Variants in SHANK2 observed in about 807,000 individuals in gnomAD.
The protein encoded by SHANK2 is SH3 and multiple ankyrin repeat domains 2.
A neutral mutation model predicts 133.7 loss-of-function variants in SHANK2; 43 were observed. The ratio of observed to expected loss-of-function variants is 0.32; its 90% CI spans 0.25 to 0.41. SHANK2 has a LOEUF of 0.41. SHANK2 is among the 10% of genes least tolerant of loss of function. The probability of loss-of-function intolerance (pLI) is 1.00; values close to 1 mark genes in which losing one functional copy is unlikely to be tolerated. For missense variants in SHANK2, 1,994 were observed against 2,235.8 expected (o/e 0.89, Z 2.18); for synonymous variants, 1,017 against 952.8 (o/e 1.07, Z -1.24).
intron 3 of SHANK2, among the ~76,000 whole-genome samples, chr11:71,143,853 G>C (rs1259074595): frequency 6.6e-6 from 1 of 151,754 alleles, no homozygotes; most frequent in African/African-American, 2.4e-5. Flanking sequence ...ACTTCCTCTG[G>C]GAGCAATGGC....
chr11:71,110,910 G>C (rs571820189), intron 5 of SHANK2, among the ~76,000 whole-genome samples: 2 of 152,372 alleles, frequency 1.3e-5, no homozygotes, highest in African/African-American at 2.4e-5. Context: ...GACGAAGTCA[G>C]GAGGATGAAG....
At chr11:70,549,099 A>C (rs2059732386) in intron 17 of SHANK2, among the ~76,000 whole-genome samples, 2 of 152,164 alleles carry the variant, frequency 1.3e-5, no homozygotes, top group Non-Finnish European at 2.9e-5. Context: ...GGACGCTGTG[A>C]CAGCAGCCCC....
At chr11:70,792,976 G>A (rs1947827191) in intron 14 of SHANK2, among the ~76,000 whole-genome samples, 1 of 152,068 alleles carries the variant, frequency 6.6e-6, no homozygotes, top group Admixed American at 6.5e-5. Context: ...AATCATTTGA[G>A]ACTGGGAAGT....
chr11:71,153,773 C>T (rs552231014), intron 2 of SHANK2, among the ~76,000 whole-genome samples: 1 of 152,260 alleles, frequency 6.6e-6, no homozygotes, highest in South Asian at 2.1e-4. Flanking sequence ...GAGTTTGAGA[C>T]CAGCCGGTCA....
intron 14 of SHANK2, among the ~76,000 whole-genome samples, chr11:70,741,036 C>T (rs1320718758): frequency 3.9e-5 from 6 of 152,290 alleles, no homozygotes; most frequent in East Asian, 1.9e-4. Flanking sequence ...ATTCAACTTC[C>T]GCTCATCCCA....
intron 2 of SHANK2, among the ~76,000 whole-genome samples, chr11:71,220,312 T>A (rs1209053343): frequency 6.6e-6 from 1 of 152,184 alleles, no homozygotes; most frequent in Non-Finnish European, 1.5e-5. Flanking sequence ...TTGGAACCTT[T>A]GAGCCTTGCT....
At chr11:71,103,124 T>A (rs541124418) in intron 6 of SHANK2, among the ~76,000 whole-genome samples, 31 of 152,300 alleles carry the variant, frequency 2.0e-4, no homozygotes, top group African/African-American at 7.0e-4. Context: ...CCTAATACCA[T>A]CACCTAGGGG....
At chr11:71,230,903 C>T (rs960068698) in intron 1 of SHANK2, among the ~76,000 whole-genome samples, 73 of 152,154 alleles carry the variant, frequency 4.8e-4, no homozygotes, top group Non-Finnish European at 8.2e-4. Flanking sequence ...AAGGGTCATG[C>T]CTTATACAAA....
intron 14 of SHANK2, among the ~76,000 whole-genome samples, chr11:70,717,845 A>G (rs537361770): frequency 9.2e-5 from 14 of 152,184 alleles, no homozygotes; most frequent in Admixed American, 2.6e-4. Context: ...CTCTGGGGGC[A>G]GAATTGAAGA....
intron 11 of SHANK2, among the ~76,000 whole-genome samples, chr11:70,883,663 C>A (rs1278933944): frequency 1.3e-5 from 2 of 152,150 alleles, no homozygotes; most frequent in African/African-American, 4.8e-5. Context: ...AACTAGGGGG[C>A]CCGGGAAAGC....
intron 1 of SHANK2, among the ~76,000 whole-genome samples, chr11:71,225,955 T>C (rs988080138): frequency 2.0e-5 from 3 of 152,144 alleles, no homozygotes; most frequent in Non-Finnish European, 4.4e-5. Flanking sequence ...AAACTCCATC[T>C]CTACTAAAAA....
intron 14 of SHANK2, among the ~76,000 whole-genome samples, chr11:70,714,449 G>C (rs1239815453): frequency 6.6e-6 from 1 of 152,200 alleles, no homozygotes. Context: ...CATGAGACAG[G>C]CACTGTCATT....
chr11:70,916,064 A>G (rs1197797708), intron 10 of SHANK2, among the ~76,000 whole-genome samples: 3 of 152,196 alleles, frequency 2.0e-5, no homozygotes, highest in African/African-American at 4.8e-5. Flanking sequence ...GGAGGCCTAC[A>G]TATTTTCTGC....
At chr11:71,093,410 T>A (rs978636172) in intron 7 of SHANK2, among the ~76,000 whole-genome samples, 1 of 152,046 alleles carries the variant, frequency 6.6e-6, no homozygotes, top group Admixed American at 6.6e-5. Context: ...CACTCAAATC[T>A]CAATTCAAAT....
chr11:71,175,443 G>A lies in SHANK2; in HGVS notation c.-12-28105C>T, dbSNP rs1286644771. On this transcript the variant is annotated intron_variant, in intron 2 of 25. Transcript: ENST00000601538. The surrounding 1 kb of genome is among the most constrained non-coding windows in gnomAD (Gnocchi z 4.2). ...GAGAGCAGGAGGAAGGAAAGAAAAA[G>A]AGGGAGAGGAGGGGGAGAAATAGAC... Among the ~76,000 whole-genome samples, 1 of 152,124 alleles carries A rather than the reference G, an allele frequency of 6.6e-6. No individual in the cohort carries two copies. Among genetic ancestry groups the A allele is most frequent in the East Asian group, 1.9e-4 (1 of 5,144 alleles).
chr11:71,148,589 A>G (rs1195903567), intron 2 of SHANK2, among the ~76,000 whole-genome samples: 1 of 152,194 alleles, frequency 6.6e-6, no homozygotes, highest in African/African-American at 2.4e-5. Flanking sequence ...TCTGTGGGGA[A>G]GGACGAGGCC....
In SHANK2 at chr11:70,486,958, A is replaced by C; in HGVS notation, c.3335T>G (p.Val1112Gly). ...CCTGGGGGCGGGTGGCCCCAGGCCC[A>C]CATCCTCATCCCCCAGGTCTGTGGA... ...FLSTDLGDED[V>G]GLGPPAPRTR... The change falls in exon 25 of 26, where the codon GTG (valine) becomes GGG (glycine). Residue 1112 changes from valine to glycine, a missense_variant. Val to Gly is a moderately radical substitution (Grantham distance 109). Around this residue, in one of 5 missense-constraint regions of SHANK2, gnomAD observed 488 missense variants for 642.6 expected, o/e 0.76. Coordinates refer to ENST00000601538, the MANE Select transcript of SHANK2 (RefSeq NM_012309.5). This position sits in a 1 kb window ranked among gnomAD's most constrained non-coding sequence, Gnocchi z 8.0. The C allele has an allele frequency of 6.2e-7, 1 of 1,612,318 alleles. No homozygotes were observed. Among genetic ancestry groups the C allele is most frequent in the Non-Finnish European group, 8.5e-7 (1 of 1,179,784 alleles).
intron 17 of SHANK2, among the ~76,000 whole-genome samples, chr11:70,599,753 T>A (rs980765735): frequency 6.8e-6 from 1 of 146,762 alleles, no homozygotes; most frequent in East Asian, 2.0e-4. Context: ...GATTGTGCCA[T>A]TGCACTCCAG....
intron 10 of SHANK2, chr11:70,942,930 G>C (rs920747470): frequency 1.8e-5 from 8 of 452,706 alleles, no homozygotes; most frequent in Non-Finnish European, 3.1e-5. Context: ...GGAGAATAAA[G>C]ATAGATGGGA....
Sources: gnomAD v4.1 joint callset for allele counts (sites outside exome capture counted in the v4.1 genomes callset) on GRCh38, gnomAD v4.1.1 for gene constraint, gnomAD v4.1.1 regional missense constraint, Gnocchi (gnomAD v3.1) non-coding constraint, MANE v1.5 for transcripts, NCBI Gene and HGNC (gene_info 2026-07-23, HGNC 2026-07-21) for gene names.